The following R3HDM4 variants were observed in gnomAD, a reference collection of about 807,000 sequenced individuals.
R3HDM4 encodes R3H domain containing 4, also known as R3H domain-containing protein 4.
Under a neutral mutation model 31.3 loss-of-function variants are expected in R3HDM4, and 30 were observed. The ratio of observed to expected loss-of-function variants is 0.96; its 90% confidence interval spans 0.72 to 1.30. The LOEUF (loss-of-function observed/expected upper bound fraction) is 1.30. Ranked by LOEUF, R3HDM4 falls within the 50% of genes most tolerant of loss-of-function variation. The probability of loss-of-function intolerance (pLI) is 0.00; values close to 1 mark genes in which losing one functional copy is unlikely to be tolerated. For synonymous variants in R3HDM4, 196 were observed against 156.6 expected, an observed-to-expected ratio of 1.25 and a Z score of -1.88; for missense variants, 444 against 366.1, an observed-to-expected ratio of 1.21 and a Z score of -1.74.
intron 1 of R3HDM4, among the ~76,000 whole-genome samples, chr19:905,974 C>T (rs764022367): frequency 6.6e-6 from 1 of 152,120 alleles, no homozygotes; most frequent in Non-Finnish European, 1.5e-5. Flanking sequence ...CAGGGCAGGT[C>T]CTGGAATCTC....
chr19:905,517 AAAAAAC>A (rs1168356239), intron 1 of R3HDM4, among the ~76,000 whole-genome samples: 3 of 149,640 alleles, frequency 2.0e-5, no homozygotes, highest in African/African-American at 4.9e-5. Flanking sequence ...AAAAAAAAAA[AAAAAAC>A]AAAACAAAAC....
intron 1 of R3HDM4, among the ~76,000 whole-genome samples, chr19:910,852 G>C (rs1463251021): frequency 6.6e-6 from 1 of 152,170 alleles, no homozygotes; most frequent in African/African-American, 2.4e-5. Context: ...CGGCGCGGTG[G>C]CTCACGCCTG....
intron 1 of R3HDM4, among the ~76,000 whole-genome samples, chr19:904,155 G>A (rs1156694213): frequency 6.6e-6 from 1 of 152,180 alleles, no homozygotes; most frequent in East Asian, 1.9e-4. Flanking sequence ...TACCAGGATC[G>A]GCTCCACCCT....
chr19:910,047 C>T (rs887461575), intron 1 of R3HDM4, among the ~76,000 whole-genome samples: 6 of 151,794 alleles, frequency 4.0e-5, no homozygotes, highest in East Asian at 1.9e-4. Flanking sequence ...TTAGCCAGGC[C>T]GGGCGCAGTG....
At chr19:903,830 C>G (rs1165271052) in intron 1 of R3HDM4, among the ~76,000 whole-genome samples, 1 of 152,004 alleles carries the variant, frequency 6.6e-6, no homozygotes, top group African/African-American at 2.4e-5. Context: ...GCGGGCGGAT[C>G]ATGAGGTCAG....
intron 1 of R3HDM4, among the ~76,000 whole-genome samples, chr19:912,072 C>T (rs1258921964): frequency 4.3e-5 from 4 of 93,736 alleles, no homozygotes; most frequent in Admixed American, 3.6e-4. Context: ...GGGGCAGACC[C>T]GGGAGTGGGG....
Position 901,156 on chromosome 19 carries a change from T to C in R3HDM4, c.352-204A>G, listed in dbSNP as rs1057289510. The C allele has an allele frequency of 4.6e-5, 29 of 629,628 alleles. No homozygotes were observed. In the South Asian group the frequency reaches 5.3e-4, roughly 12 times the overall value. 39.0% of individuals were successfully genotyped at this position (629,628 alleles called of 1,614,324 possible). On this transcript the variant is annotated intron_variant, in intron 3 of 7. Transcript: ENST00000361574. ...CGGGGTGGGCCCAGCTGTCTCGGGGTGGGGGGGATTGAGGTGAAACACTCC... is the reference window on the plus strand; with the variant it reads ...CGGGGTGGGCCCAGCTGTCTCGGGGCGGGGGGGATTGAGGTGAAACACTCC...
At chr19:901,699 C>T in intron 2 of R3HDM4, 153 bp from the exon 3 acceptor site, 2 of 1,064,254 alleles carry the variant, frequency 1.9e-6, no homozygotes, top group Non-Finnish European at 2.6e-6. Flanking sequence ...CAGAGACCAC[C>T]TAGACCCCAG....
rs1568338052 is a variant in R3HDM4 at position 896,562 on chromosome 19, CG to C, written c.*874del. The C allele has an allele frequency of 6.6e-6, 1 of 152,666 alleles. No homozygotes were observed. The highest frequency in any genetic ancestry group is 1.9e-4 in the East Asian group (1 of 5,200). The allele number at this position is 152,666 out of a possible 1,614,324, so 9.5% of individuals were successfully genotyped here. A position where few individuals can be genotyped will look rare whatever the true frequency, so the allele number is the denominator to read the frequency against. ...TTCCCCCAAAACACAATTACCCACACGCAGCAAGGGGGTGCGGAGGCCCCCC... is the reference window on the plus strand; with the variant it reads ...TTCCCCCAAAACACAATTACCCACACCAGCAAGGGGGTGCGGAGGCCCCCC... On this transcript the variant is annotated 3_prime_UTR_variant, in exon 8 of 8. Transcript: ENST00000361574. This position sits in a 1 kb window ranked among gnomAD's most constrained non-coding sequence, Gnocchi z 4.0.
intron 1 of R3HDM4, among the ~76,000 whole-genome samples, chr19:903,531 C>A (rs2036864246): frequency 2.0e-5 from 3 of 152,022 alleles, no homozygotes; most frequent in Admixed American, 2.0e-4. Context: ...GCGCGCACCG[C>A]AGCCACCCGG....
At chr19:902,899 G>A (rs2036855197) in intron 1 of R3HDM4, among the ~76,000 whole-genome samples, 1 of 149,806 alleles carries the variant, frequency 6.7e-6, no homozygotes, top group African/African-American at 2.5e-5. Context: ...CTGAGATTGT[G>A]CCACCGCACT....
chr19:901,575 G>C (rs199527793), intron 2 of R3HDM4, 29 bp from the exon 3 acceptor site: 1 of 1,586,076 alleles, frequency 6.3e-7, no homozygotes, highest in Non-Finnish European at 8.6e-7. Context: ...TCTCTGGGCC[G>C]GGGTGGCATT....
chr19:903,770 G>A (rs976676039), intron 1 of R3HDM4, among the ~76,000 whole-genome samples: 1 of 151,928 alleles, frequency 6.6e-6, no homozygotes, highest in African/African-American at 2.4e-5. Flanking sequence ...AAACAAACAG[G>A]ACGGGCGCGG....
Position 902,025 on chromosome 19 carries a change from G to A in R3HDM4, c.177C>T (p.Asp59=), listed in dbSNP as rs1051732511. Reference sequence around the variant, plus strand: ...TCCGCCCCTTGGCCTTGGGCACGAGGTCTGAGTTCCGCACTGCCTGGTTGA... The same window carrying A: ...TCCGCCCCTTGGCCTTGGGCACGAGATCTGAGTTCCGCACTGCCTGGTTGA... ...HFINQAVRNS[D]LVPKAKGRKS... The change falls in exon 2 of 8, where the codon GAC becomes GAT. Residue 59 remains aspartate, a synonymous_variant. Transcript: ENST00000361574. 4 of 1,613,948 alleles carry A rather than the reference G, an allele frequency of 2.5e-6. No homozygotes were observed. The highest frequency in any genetic ancestry group is 3.3e-5 in the Admixed American group (2 of 60,030).
In R3HDM4 at chr19:900,876, C is replaced by T; in HGVS notation, c.428G>A (p.Ser143Asn). 6.4e-7 allele frequency: 1 copy of T among 1,572,522 alleles called. No homozygotes were observed. The highest frequency in any genetic ancestry group is 8.6e-7 in the Non-Finnish European group (1 of 1,160,888). ...VLRYLEDEGRSKARRRGPGRG... is the reference protein window; with the variant it reads ...VLRYLEDEGRNKARRRGPGRG... ...GCCAGGGCCCCTCCTCCGCGCCTTGCTCCTGCCCTCATCCTCCAGGTAGCG... is the reference window on the plus strand; with the variant it reads ...GCCAGGGCCCCTCCTCCGCGCCTTGTTCCTGCCCTCATCCTCCAGGTAGCG... The change falls in exon 4 of 8, where the codon AGC (serine) becomes AAC (asparagine). Residue 143 changes from serine to asparagine, a missense_variant. Transcript: ENST00000361574.
At chr19:906,339 C>A (rs2036905778) in intron 1 of R3HDM4, among the ~76,000 whole-genome samples, 1 of 151,692 alleles carries the variant, frequency 6.6e-6, no homozygotes, top group Non-Finnish European at 1.5e-5. Context: ...CCTGCCTCAG[C>A]CTCCCGAGTA....
At chr19:898,237 T>A (rs1229578734) in intron 7 of R3HDM4, among the ~76,000 whole-genome samples, 4 of 133,020 alleles carry the variant, frequency 3.0e-5, no homozygotes, top group South Asian at 2.3e-4. Flanking sequence ...AAAATATATA[T>A]ATATATATAT....
Position 907,333 on chromosome 19 carries a change from T to C in R3HDM4, c.72-5203A>G, listed in dbSNP as rs1378922986. ...CCTGAGGCCGGAGCACTCTGTCCCA[T>C]GCCCCAGATTCACCCACAGCCCCCC... is the stretch of plus-strand genomic sequence containing the variant. On this transcript the variant is annotated intron_variant, in intron 1 of 7. Coordinates refer to ENST00000361574, the MANE Select transcript of R3HDM4 (RefSeq NM_138774.4). The surrounding 1 kb of genome is among the most constrained non-coding windows in gnomAD (Gnocchi z 4.1). 1.3e-5 allele frequency among the ~76,000 whole-genome samples: 2 copies of C among 151,966 alleles called. No homozygotes were observed. The highest frequency in any genetic ancestry group is 1.3e-4 in the Admixed American group (2 of 15,246).
At chr19:900,358 C>A (rs1159919692) in intron 4 of R3HDM4, among the ~76,000 whole-genome samples, 11 of 151,890 alleles carry the variant, frequency 7.2e-5, no homozygotes, top group Non-Finnish European at 1.6e-4. Flanking sequence ...GCTGACCCTA[C>A]CCTCACCTGT....
Sources: gnomAD v4.1 joint callset for allele counts (sites outside exome capture counted in the v4.1 genomes callset) on GRCh38, gnomAD v4.1.1 for gene constraint, Gnocchi (gnomAD v3.1) non-coding constraint, MANE v1.5 for transcripts, NCBI Gene and HGNC (gene_info 2026-07-23, HGNC 2026-07-21) for gene names.